Variants in BMPER observed in about 807,000 individuals in gnomAD.
BMPER encodes the protein BMP binding endothelial regulator.
Under a neutral mutation model 87.3 loss-of-function variants are expected in BMPER, and 45 were observed. The ratio of observed to expected loss-of-function variants is 0.52; its 90% confidence interval spans 0.41 to 0.66. BMPER has a LOEUF of 0.66. Ranked by LOEUF, BMPER falls within the 30% of genes least tolerant of loss-of-function variation. BMPER has a pLI of 0.00. For missense variants in BMPER, 784 were observed against 867.5 expected (o/e 0.90, Z 1.21); for synonymous variants, 326 against 316.2 (o/e 1.03, Z -0.33).
At chr7:34,083,752 C>T (rs1585814434) in intron 12 of BMPER, among the ~76,000 whole-genome samples, 2 of 152,198 alleles carry the variant, frequency 1.3e-5, no homozygotes, top group East Asian at 3.9e-4. Context: ...GATGTTGCTG[C>T]CTTATGCCAA....
In BMPER at chr7:34,016,794, G is replaced by GA. The variant is rs1185207197; in HGVS notation, c.577-29506dup. Among the ~76,000 whole-genome samples the GA allele has an allele frequency of 4.6e-5, 7 of 151,908 alleles. No homozygotes were observed. In the East Asian group the frequency reaches 5.9e-4, roughly 13 times the overall value. The stretch of plus-strand genomic sequence containing the variant: ...CCCTGACAAACCCATTTTTCCAACA[G>GA]AAAAAACCTTTTTTTTGTGGGGGTG... On this transcript the variant is annotated intron_variant, in intron 6 of 14. Coordinates refer to ENST00000649409, the MANE Select transcript of BMPER (RefSeq NM_001365308.1).
intron 5 of BMPER, among the ~76,000 whole-genome samples, chr7:33,972,496 G>A (rs1221544193): frequency 2.0e-5 from 3 of 152,108 alleles, no homozygotes; most frequent in South Asian, 2.1e-4. Context: ...CTCCATGACT[G>A]CTCATATTAC....
At chr7:34,030,146 C>CAT (rs1023826155) in intron 6 of BMPER, among the ~76,000 whole-genome samples, 9 of 151,510 alleles carry the variant, frequency 5.9e-5, no homozygotes, top group East Asian at 1.9e-4. Flanking sequence ...TATTTGATAT[C>CAT]ATATATATAT....
At chr7:34,024,183 C>T (rs1787275816) in intron 6 of BMPER, among the ~76,000 whole-genome samples, 1 of 149,378 alleles carries the variant, frequency 6.7e-6, no homozygotes, top group Non-Finnish European at 1.5e-5. Context: ...CATGGTGAAA[C>T]CCTGCATCTA....
chr7:33,966,572 A>G lies in BMPER; in HGVS notation c.402+11A>G. On this transcript the variant is annotated intron_variant, in intron 4 of 14. Coordinates refer to ENST00000649409, the MANE Select transcript of BMPER (RefSeq NM_001365308.1). ...CTACGCCAGTGCCAGGTAAAGTTCA[A>G]TTATTTCTCTCTCCAGTAAAAAGGA... 6.2e-7 allele frequency: 1 copy of G among 1,611,584 alleles called. No individual in the cohort carries two copies. Among genetic ancestry groups the G allele is most frequent in the Non-Finnish European group, 8.5e-7 (1 of 1,177,872 alleles).
Position 33,994,943 on chromosome 7 carries a change from A to C in BMPER, c.576+20159A>C, listed in dbSNP as rs535935598. On this transcript the variant is annotated intron_variant, in intron 6 of 14. Coordinates refer to ENST00000649409, the MANE Select transcript of BMPER (RefSeq NM_001365308.1). ...AGGGCCTTCACTTTCCCAGGAAGCA[A>C]ATTATTTGACTGACTCTAAATACCA... Among the ~76,000 whole-genome samples, 9 of 152,258 alleles carry C rather than the reference A, an allele frequency of 5.9e-5. No individual in the cohort carries two copies. The South Asian group carries it at 1.9e-3, about 32-fold the overall frequency.
rs180915213 is a variant in BMPER at position 34,116,806 on chromosome 7, A to G, written c.1746-26424A>G. 2.6e-3 allele frequency among the ~76,000 whole-genome samples: 402 copies of G among 152,302 alleles called. 5 individuals carry two copies. Among genetic ancestry groups the G allele is most frequent in the Admixed American group, 0.023 (351 of 15,304 alleles). The stretch of plus-strand genomic sequence containing the variant: ...GGAGTTTGAGACCAGCCTGGCCAAC[A>G]TGGCAAAATTCCGTCTCTACTAGAA... On this transcript the variant is annotated intron_variant, in intron 13 of 14. Coordinates refer to ENST00000649409, the MANE Select transcript of BMPER (RefSeq NM_001365308.1).
rs139615877 is a variant in BMPER, at chr7:34,133,671, A to G, written c.1746-9559A>G. 6.6e-5 allele frequency among the ~76,000 whole-genome samples: 10 copies of G among 152,260 alleles called. No homozygotes were observed. In the East Asian group the frequency reaches 1.7e-3, roughly 27 times the overall value. On this transcript the variant is annotated intron_variant, in intron 13 of 14. Coordinates refer to ENST00000649409, the MANE Select transcript of BMPER (RefSeq NM_001365308.1). ...CAACCTGGGACTGTGATTGATATCT[A>G]AAGTGGGGAGCAGTGCTGTGGGACT...
chr7:34,117,371 G>T (rs1200281294), intron 13 of BMPER, among the ~76,000 whole-genome samples: 1 of 152,084 alleles, frequency 6.6e-6, no homozygotes, highest in African/African-American at 2.4e-5. Flanking sequence ...ATGTCTTAAG[G>T]GTCCCTAGAG....
At position 34,018,468 on chromosome 7, in the gene BMPER, A is replaced by G. The variant is rs529502408; in HGVS notation, c.577-27838A>G. ...TTTTATAAGCTTCAGATCCTCATTT[A>G]GAAAAGCTGTGCATGAATCTTATCG... On this transcript the variant is annotated intron_variant, in intron 6 of 14. Coordinates refer to ENST00000649409, the MANE Select transcript of BMPER (RefSeq NM_001365308.1). Among the ~76,000 whole-genome samples the G allele has an allele frequency of 5.4e-4, 82 of 152,084 alleles. 3 individuals carry two copies. The highest frequency in any genetic ancestry group is 3.4e-3 in the Middle Eastern group (1 of 294).
At chr7:33,915,151 C>T (rs1784061168) in intron 2 of BMPER, among the ~76,000 whole-genome samples, 1 of 152,140 alleles carries the variant, frequency 6.6e-6, no homozygotes, top group Non-Finnish European at 1.5e-5. Context: ...ATAAATACCA[C>T]ATGAAATTTT....
At chr7:34,123,215 A>AT (rs1413844689) in intron 13 of BMPER, among the ~76,000 whole-genome samples, 2 of 152,202 alleles carry the variant, frequency 1.3e-5, no homozygotes, top group African/African-American at 4.8e-5. Flanking sequence ...TGGTAGAAGT[A>AT]CTAAAATTAT....
At chr7:34,150,999 A>G (rs899008584) in intron 14 of BMPER, among the ~76,000 whole-genome samples, 5 of 152,146 alleles carry the variant, frequency 3.3e-5, no homozygotes, top group Admixed American at 3.3e-4. Flanking sequence ...GTGGGAATTC[A>G]GTTGGAAAGG....
At chr7:33,951,787 T>C (rs950040947) in intron 3 of BMPER, among the ~76,000 whole-genome samples, 2 of 152,188 alleles carry the variant, frequency 1.3e-5, no homozygotes, top group African/African-American at 4.8e-5. Flanking sequence ...GTATTTAGTG[T>C]AGTACTGTTG....
At chr7:34,137,033 A>G (rs746514963) in intron 13 of BMPER, among the ~76,000 whole-genome samples, 1 of 152,378 alleles carries the variant, frequency 6.6e-6, no homozygotes, top group Admixed American at 6.5e-5. Flanking sequence ...GCTAGGAAGC[A>G]TAGATGTGTT....
intron 2 of BMPER, among the ~76,000 whole-genome samples, chr7:33,937,082 C>G (rs1383881582): frequency 6.6e-6 from 1 of 152,186 alleles, no homozygotes; most frequent in African/African-American, 2.4e-5. Context: ...TTCATCTCCT[C>G]TCATCTGACT....
chr7:33,994,677 A>T (rs532118614), intron 6 of BMPER, among the ~76,000 whole-genome samples: 31 of 152,232 alleles, frequency 2.0e-4, no homozygotes, highest in Admixed American at 4.6e-4. Context: ...CTGTTAGATT[A>T]TTCTGATTGA....
chr7:33,905,276 G>C (rs1449697720), upstream of BMPER: 1 of 403,282 alleles, frequency 2.5e-6, no homozygotes. Flanking sequence ...GTCTATCTCC[G>C]GCTGCCGCAA....
intron 7 of BMPER, among the ~76,000 whole-genome samples, chr7:34,048,435 A>G (rs1291848058): frequency 6.6e-6 from 1 of 152,062 alleles, no homozygotes; most frequent in East Asian, 1.9e-4. Context: ...GATTAAAGAC[A>G]TTTTCACTTC....
Sources: gnomAD v4.1 joint callset for allele counts (sites outside exome capture counted in the v4.1 genomes callset) on GRCh38, gnomAD v4.1.1 for gene constraint, MANE v1.5 for transcripts, NCBI Gene and HGNC (gene_info 2026-07-23, HGNC 2026-07-21) for gene names.